CNNM1: variants seen among roughly 807,000 people sequenced by gnomAD.
The protein encoded by CNNM1 is metal transporter CNNM1.
CNNM1 carries 44 observed loss-of-function variants against 78.8 expected under a neutral mutation model. The ratio of observed to expected loss-of-function variants is 0.56; its 90% CI spans 0.44 to 0.72. The LOEUF (loss-of-function observed/expected upper bound fraction) is 0.72. Ranked by LOEUF, CNNM1 falls within the 30% of genes least tolerant of loss-of-function variation. CNNM1 has a pLI of 0.00. For synonymous variants in CNNM1, 584 were observed against 581.5 expected (o/e 1.00, Z -0.06); for missense variants, 1,101 against 1,292.2 (o/e 0.85, Z 2.27).
intron 6 of CNNM1, 43 bp downstream of exon 6, chr10:99,365,045 T>G: frequency 6.2e-7 from 1 of 1,608,370 alleles, no homozygotes; most frequent in Non-Finnish European, 8.5e-7. Context: ...CCCATCGTAG[T>G]CCTGCCTCAG....
intron 7 of CNNM1, among the ~76,000 whole-genome samples, chr10:99,387,472 C>A (rs140029848): frequency 6.6e-6 from 1 of 152,324 alleles, no homozygotes; most frequent in Admixed American, 6.5e-5. Context: ...CCCGACTGAC[C>A]CTTTGGGCCT....
chr10:99,329,397 G>A lies in CNNM1; in HGVS notation c.10G>A (p.Ala4Thr). ...CTGCGCTGGGTGCAGGATGGCGGCG[G>A]CCGCGGCGGCGGCAGCAGCGGTGGG... MAA[A>T]AAAAAAVGVR... is the part of the protein sequence containing the mutation. The change falls in exon 1 of 11, where the codon GCC becomes ACC. Residue 4 changes from alanine (A) to threonine (T), a missense_variant. Physicochemically the swap from Ala to Thr is moderately conservative, Grantham distance 58. Coordinates refer to ENST00000356713, the MANE Select transcript of CNNM1 (RefSeq NM_020348.3). 1.3e-6 allele frequency: 1 copy of A among 774,722 alleles called. No individual in the cohort carries two copies. The highest frequency in any genetic ancestry group is 2.0e-6 in the Non-Finnish European group (1 of 510,844). The allele number at this position is 774,722 out of a possible 1,614,324, so 48.0% of individuals were successfully genotyped here.
chr10:99,354,945 G>A (rs1375819741), intron 1 of CNNM1, among the ~76,000 whole-genome samples: 2 of 152,140 alleles, frequency 1.3e-5, no homozygotes, highest in Non-Finnish European at 2.9e-5. Flanking sequence ...AGTACAGAAG[G>A]AGGCTGAAGG....
chr10:99,370,673 G>A (rs1412209099), intron 6 of CNNM1, among the ~76,000 whole-genome samples: 2 of 152,194 alleles, frequency 1.3e-5, no homozygotes, highest in South Asian at 4.1e-4. Flanking sequence ...TCCATTCATA[G>A]TGTGCATTGA....
intron 6 of CNNM1, among the ~76,000 whole-genome samples, chr10:99,376,645 A>G (rs566505478): frequency 9.7e-4 from 148 of 152,294 alleles, no homozygotes; most frequent in Non-Finnish European, 1.4e-3. Flanking sequence ...GTAGCAAGCC[A>G]TGCTTGTAGT....
In CNNM1 at chr10:99,390,391, G is replaced by C; in HGVS notation, c.2760G>C (p.Lys920Asn). 6.2e-7 allele frequency: 1 copy of C among 1,612,238 alleles called. No individual in the cohort carries two copies. Among genetic ancestry groups the C allele is most frequent in the Non-Finnish European group, 8.5e-7 (1 of 1,179,078 alleles). Residue 920 changes from lysine (K) to asparagine (N), a missense_variant, in exon 10 of 11, where the codon AAG becomes AAC. By Grantham distance (94) the Lys-to-Asn change is moderately conservative. This residue lies in a region of CNNM1 where 348 missense variants were observed against 384.5 expected (regional missense o/e 0.90). Coordinates refer to ENST00000356713, the MANE Select transcript of CNNM1 (RefSeq NM_020348.3). The stretch of plus-strand genomic sequence containing the variant: ...ATTTTGAGGAAAACGTGGGCAAGAA[G>C]CTGCTGAGAACCTTGAGTGAGTAGC... ...SSDFEENVGK[K>N]LLRTLSGQKR...
At chr10:99,335,306 G>T (rs1185121254) in intron 1 of CNNM1, among the ~76,000 whole-genome samples, 4 of 152,212 alleles carry the variant, frequency 2.6e-5, no homozygotes, top group African/African-American at 9.6e-5. Context: ...GTCTTTAGAA[G>T]TGGGGAAGAG....
At chr10:99,366,074 G>A (rs1319985620) in intron 6 of CNNM1, among the ~76,000 whole-genome samples, 2 of 152,208 alleles carry the variant, frequency 1.3e-5, no homozygotes, top group Non-Finnish European at 2.9e-5. Context: ...AATTTACAGT[G>A]TAATTGTTAC....
At chr10:99,333,642 G>C (rs1017231150) in intron 1 of CNNM1, among the ~76,000 whole-genome samples, 8 of 152,158 alleles carry the variant, frequency 5.3e-5, no homozygotes, top group African/African-American at 1.9e-4. Flanking sequence ...ACTGCACTTG[G>C]CCTCATTTAG....
chr10:99,329,571 C>A lies in CNNM1; in HGVS notation c.184C>A (p.Leu62Met). ...CCGCGTGTCCCTGGAGGGGGGCACC[C>A]TGCGCGCCGCCGAAGGCACCAGCTT... ...GGRVSLEGGT[L>M]RAAEGTSFLL... The change falls in exon 1 of 11, where the codon CTG (leucine) becomes ATG (methionine). Residue 62 changes from leucine to methionine, a missense_variant. Leu to Met is a conservative substitution (Grantham distance 15). Around this residue, in one of 3 missense-constraint regions of CNNM1, gnomAD observed 476 missense variants for 484.5 expected, o/e 0.98. Transcript: ENST00000356713. 1 of 1,525,218 alleles carries A rather than the reference C, an allele frequency of 6.6e-7. No individual in the cohort carries two copies. Among genetic ancestry groups the A allele is most frequent in the South Asian group, 1.2e-5 (1 of 81,316 alleles). The allele number at this position is 1,525,218 out of a possible 1,614,324, so 94.5% of individuals were successfully genotyped here.
chr10:99,347,738 G>A (rs1379909731), intron 1 of CNNM1, among the ~76,000 whole-genome samples: 2 of 151,678 alleles, frequency 1.3e-5, no homozygotes, highest in Admixed American at 6.6e-5. Flanking sequence ...CCTCTCCCAC[G>A]TTCTACAGCC....
At chr10:99,364,863 T>C in intron 5 of CNNM1, 92 bp from the exon 6 acceptor site, 1 of 1,219,330 alleles carries the variant, frequency 8.2e-7, no homozygotes, top group Middle Eastern at 1.9e-4. Flanking sequence ...CAGGGTTAAT[T>C]GGTGCTGGGG....
chr10:99,336,479 A>G (rs2030194400), intron 1 of CNNM1, among the ~76,000 whole-genome samples: 1 of 152,188 alleles, frequency 6.6e-6, no homozygotes, highest in South Asian at 2.1e-4. Flanking sequence ...CTCCATAGTT[A>G]AGCAGTGCAT....
At chr10:99,351,323 C>T (rs1178586292) in intron 1 of CNNM1, among the ~76,000 whole-genome samples, 4 of 152,284 alleles carry the variant, frequency 2.6e-5, no homozygotes, top group South Asian at 2.1e-4. Flanking sequence ...CCAAACCCAG[C>T]GTTGAATAGT....
intron 6 of CNNM1, among the ~76,000 whole-genome samples, chr10:99,372,828 C>T (rs2031846209): frequency 6.6e-6 from 1 of 152,190 alleles, no homozygotes; most frequent in Non-Finnish European, 1.5e-5. Flanking sequence ...GGGACTTTCT[C>T]ACGGAGTAAA....
intron 9 of CNNM1, 71 bp from the exon 10 acceptor site, chr10:99,390,235 C>A: frequency 8.9e-7 from 1 of 1,127,390 alleles, no homozygotes; most frequent in Non-Finnish European, 1.3e-6. Flanking sequence ...TGTCATCACT[C>A]AGAATCACCC....
At chr10:99,362,126 G>A in intron 3 of CNNM1, 101 bp from the exon 4 acceptor site, 2 of 1,087,064 alleles carry the variant, frequency 1.8e-6, no homozygotes, top group Admixed American at 2.9e-5. Flanking sequence ...CAGGCACAGG[G>A]GTCCCAGTTG....
rs189126550 is a variant in CNNM1, at chr10:99,380,121, G to A, written c.2340+2903G>A. On this transcript the variant is annotated intron_variant, in intron 7 of 10. Transcript: ENST00000356713. ...GATCCTCTTGCCTCGGCCTCCCAAA[G>A]TGCTGACAAGCTCTCGTCTTCTAAG... 2.2e-3 allele frequency among the ~76,000 whole-genome samples: 332 copies of A among 149,436 alleles called. 2 individuals are homozygous for A. Among genetic ancestry groups the A allele is most frequent in the Non-Finnish European group, 1.8e-3 (125 of 67,718 alleles).
chr10:99,330,338 C>A lies in CNNM1; in HGVS notation c.951C>A (p.Ser317Arg). Reference sequence around the variant, plus strand: ...TCGGGGGCACCGGGGAAGACTACAGCGAAGAGGGGATCCACTTCCCGTGGC... The same window carrying A: ...TCGGGGGCACCGGGGAAGACTACAGAGAAGAGGGGATCCACTTCCCGTGGC... ...PGFGGTGEDY[S>R]EEGIHFPWLP... The change falls in exon 1 of 11, where the codon AGC becomes AGA. Residue 317 changes from serine (S) to arginine (R), a missense_variant. Transcript: ENST00000356713. 6.2e-7 allele frequency: 1 copy of A among 1,600,916 alleles called. No individual in the cohort carries two copies. Among genetic ancestry groups the A allele is most frequent in the Non-Finnish European group, 8.5e-7 (1 of 1,174,814 alleles).
Sources: gnomAD v4.1 joint callset for allele counts (sites outside exome capture counted in the v4.1 genomes callset) on GRCh38, gnomAD v4.1.1 for gene constraint, gnomAD v4.1.1 regional missense constraint, MANE v1.5 for transcripts, NCBI Gene and HGNC (gene_info 2026-07-23, HGNC 2026-07-21) for gene names.